BCOR: variants seen among roughly 807,000 people sequenced by gnomAD.
The protein encoded by BCOR is BCL-6 corepressor.
In BCOR, 10 loss-of-function variants were observed where a neutral mutation model predicts 86.7. The ratio of observed to expected loss-of-function variants is 0.12; its 90% confidence interval spans 0.07 to 0.20. The LOEUF (loss-of-function observed/expected upper bound fraction) is 0.20. Among genes scored for constraint, BCOR ranks in the 10% least tolerant of loss-of-function variants. The pLI is 1.00. For missense variants in BCOR, 1,259 were observed against 1,452.1 expected (o/e 0.87, Z 2.16); for synonymous variants, 611 against 609.0 (o/e 1.00, Z -0.05).
chrX:40,120,493 TC>T (rs1240662458), intron 1 of BCOR, among the ~76,000 whole-genome samples: 1 of 111,701 alleles, frequency 9.0e-6, no homozygotes, highest in Admixed American at 9.5e-5. Context: ...TAGGAGTCCA[TC>T]CATTTCCCCC....
chrX:40,152,266 C>T (rs1938182982), intron 1 of BCOR, among the ~76,000 whole-genome samples: 1 of 111,613 alleles, frequency 9.0e-6, no homozygotes, highest in African/African-American at 3.3e-5. Flanking sequence ...CCCTGAGCGC[C>T]CCTTGTGCGC....
intron 1 of BCOR, among the ~76,000 whole-genome samples, chrX:40,168,711 G>A (rs1938556998): frequency 8.8e-6 from 1 of 113,119 alleles, no homozygotes; most frequent in Non-Finnish European, 1.9e-5. Context: ...CGCACCCCCG[G>A]CTGCCTTCCT....
chrX:40,159,501 C>A (rs1354452657), intron 1 of BCOR, among the ~76,000 whole-genome samples: 2 of 111,109 alleles, frequency 1.8e-5, no homozygotes, highest in Non-Finnish European at 3.8e-5. Context: ...CGCCTGCCAA[C>A]GCGCCCGGCT....
rs776440343 is a variant in BCOR at position 40,073,517 on chromosome X, C to T, written c.1829G>A (p.Ser610Asn). 17 of 1,211,454 alleles carry T rather than the reference C, an allele frequency of 1.4e-5. 1 individual carries two copies. In the South Asian group the frequency reaches 3.0e-4, roughly 21 times the overall value. ...TTTGGCGCCCTTGCTGCTGGTGCTG[C>T]TACTGTGCTTGGCAGGAGTGGCCGG... ...QPPATPAKHS[S>N]STSSKGAKAS... Residue 610 changes from serine (S) to asparagine (N), a missense_variant, in exon 4 of 15, where the codon AGC becomes AAC. Around this residue, in one of 7 missense-constraint regions of BCOR, gnomAD observed 534 missense variants for 594.8 expected, o/e 0.90. Coordinates refer to ENST00000378444, the MANE Select transcript of BCOR (RefSeq NM_001123385.2).
chrX:40,171,458 T>A (rs1602285579), intron 1 of BCOR, among the ~76,000 whole-genome samples: 1 of 105,494 alleles, frequency 9.5e-6, no homozygotes, highest in Admixed American at 1.0e-4. Flanking sequence ...TAGTCCCGGG[T>A]ATGGGTGGGG....
Position 40,172,992 on chromosome X carries a change from C to G in BCOR, c.-41+4015G>C, listed in dbSNP as rs1245875785. 2.7e-5 allele frequency among the ~76,000 whole-genome samples: 3 copies of G among 112,750 alleles called. No individual in the cohort carries two copies. In the East Asian group the frequency reaches 8.4e-4, roughly 32 times the overall value. On this transcript the variant is annotated intron_variant, in intron 1 of 14. Transcript: ENST00000342274. ...TTGCCTTCCCTGACCCCTTCCTTGCCGCGGAGGAGCCACAGTAAGATGCCT... is the reference window on the plus strand; with the variant it reads ...TTGCCTTCCCTGACCCCTTCCTTGCGGCGGAGGAGCCACAGTAAGATGCCT...
intron 1 of BCOR, among the ~76,000 whole-genome samples, chrX:40,095,078 G>A (rs1254502067): frequency 1.8e-5 from 2 of 112,043 alleles, no homozygotes; most frequent in Non-Finnish European, 3.8e-5. Context: ...TGGTGTGCGT[G>A]GCGGTGTATA....
chrX:40,092,215 C>CG (rs1443371610), intron 1 of BCOR, among the ~76,000 whole-genome samples: 1 of 112,100 alleles, frequency 8.9e-6, no homozygotes, highest in African/African-American at 3.2e-5. Flanking sequence ...GAACGTCCTG[C>CG]GGGCTCCAAG....
chrX:40,068,713 C>G (rs747468791), intron 6 of BCOR, among the ~76,000 whole-genome samples: 1 of 113,307 alleles, frequency 8.8e-6, no homozygotes, highest in African/African-American at 3.2e-5. Context: ...TTCAAAATGC[C>G]ACTTATCATT....
intron 1 of BCOR, among the ~76,000 whole-genome samples, chrX:40,090,432 C>G (rs886186610): frequency 8.9e-6 from 1 of 112,968 alleles, no homozygotes; most frequent in Non-Finnish European, 1.9e-5. Flanking sequence ...CAGTCCTCCC[C>G]GGCCCCCACC....
At chrX:40,170,569 G>C (rs1227209290) in intron 1 of BCOR, among the ~76,000 whole-genome samples, 1 of 111,053 alleles carries the variant, frequency 9.0e-6, no homozygotes, top group Non-Finnish European at 1.9e-5. Context: ...GGCTGGTCTC[G>C]AACTCCTGAC....
intron 1 of BCOR, among the ~76,000 whole-genome samples, chrX:40,110,647 TTTTTTCTTTTTTCC>T: frequency 1.0e-5 from 1 of 95,459 alleles, no homozygotes; most frequent in Admixed American, 1.2e-4. Flanking sequence ...TTCTTTTCTT[TTTTTTCTTTTTTCC>T]TTTTTCTTTT....
chrX:40,129,528 G>T (rs1346062531), intron 1 of BCOR, among the ~76,000 whole-genome samples: 3 of 110,438 alleles, frequency 2.7e-5, no homozygotes, highest in Non-Finnish European at 3.8e-5. Context: ...TAATGGGGGG[G>T]CCAGGCCTCA....
intron 1 of BCOR, among the ~76,000 whole-genome samples, chrX:40,082,671 C>T (rs940972496): frequency 1.8e-5 from 2 of 111,577 alleles, no homozygotes; most frequent in Admixed American, 9.4e-5. Context: ...CCTCACTCAC[C>T]GCGTGTCTCT....
At chrX:40,147,837 C>A (rs769868685) in intron 1 of BCOR, among the ~76,000 whole-genome samples, 85 of 112,982 alleles carry the variant, frequency 7.5e-4, no homozygotes, top group Middle Eastern at 4.6e-3. Context: ...GGCATGACTT[C>A]CTGCCAGAGC....
chrX:40,106,445 G>A (rs1937187109), intron 1 of BCOR, among the ~76,000 whole-genome samples: 1 of 111,889 alleles, frequency 8.9e-6, no homozygotes, highest in Admixed American at 9.3e-5. Flanking sequence ...CACGCTTTCT[G>A]CTGTTACGGA....
At chrX:40,171,181 C>T (rs1938612489) in intron 1 of BCOR, among the ~76,000 whole-genome samples, 2 of 111,991 alleles carry the variant, frequency 1.8e-5, no homozygotes, top group African/African-American at 6.5e-5. Context: ...GCATCCTTTT[C>T]TTGGATCTGT....
intron 1 of BCOR, among the ~76,000 whole-genome samples, chrX:40,119,543 G>A (rs148650638): frequency 0.025 from 2,764 of 110,721 alleles, 75 homozygotes; most frequent in African/African-American, 0.086. Flanking sequence ...TGTGGTGGGC[G>A]TGCTGTAGTC....
intron 1 of BCOR, among the ~76,000 whole-genome samples, chrX:40,161,713 C>T (rs1410945659): frequency 2.8e-5 from 3 of 107,580 alleles, no homozygotes; most frequent in Non-Finnish European, 5.8e-5. Context: ...TGGGGTTTCA[C>T]CGTGTTAGCC....
Sources: allele counts gnomAD v4.1 joint callset (sites outside exome capture counted in the v4.1 genomes callset), GRCh38; gene constraint gnomAD v4.1.1; regional missense constraint gnomAD v4.1.1; transcripts MANE v1.5; gene names NCBI Gene and HGNC (gene_info 2026-07-23, HGNC 2026-07-21).